Variants in SLIT2 observed in about 807,000 individuals in gnomAD.
SLIT2 encodes the protein slit guidance ligand 2, also known as slit homolog 2 protein.
Under a neutral mutation model 185.7 loss-of-function variants are expected in SLIT2, and 41 were observed. The ratio of observed to expected loss-of-function variants is 0.22; its 90% confidence interval spans 0.17 to 0.29. SLIT2 has a LOEUF of 0.29. Among genes scored for constraint, SLIT2 ranks in the 10% least tolerant of loss-of-function variants. The pLI, the probability that SLIT2 is intolerant of heterozygous loss-of-function variation, is 1.00. For synonymous variants in SLIT2, 693 were observed against 680.2 expected (o/e 1.02, Z -0.29); for missense variants, 1,571 against 1,909.0 (o/e 0.82, Z 3.30).
chr4:20,331,861 T>C (rs1720093424), intron 4 of SLIT2, among the ~76,000 whole-genome samples: 2 of 152,196 alleles, frequency 1.3e-5, no homozygotes, highest in Non-Finnish European at 2.9e-5. Flanking sequence ...CTTTATGTCA[T>C]TGAAATTGCA....
At chr4:20,344,064 T>C (rs1721185444) in intron 4 of SLIT2, among the ~76,000 whole-genome samples, 1 of 152,138 alleles carries the variant, frequency 6.6e-6, no homozygotes, top group Admixed American at 6.5e-5. Flanking sequence ...TTGGCCAGGA[T>C]GGTCTCGATC....
chr4:20,255,609 C>A (rs1711728069), intron 1 of SLIT2, among the ~76,000 whole-genome samples: 1 of 149,888 alleles, frequency 6.7e-6, no homozygotes, highest in Non-Finnish European at 1.5e-5. Context: ...TCATGCTATT[C>A]AGAACAGTTT....
At chr4:20,589,591 C>T (rs1307327668) in intron 29 of SLIT2, 53 bp from the exon 30 acceptor site, 1 of 1,316,806 alleles carries the variant, frequency 7.6e-7, no homozygotes, top group Non-Finnish European at 1.1e-6. Flanking sequence ...AGTCTGCTGG[C>T]AGGAAGCCTG....
chr4:20,548,095 C>T (rs920616524), intron 22 of SLIT2, among the ~76,000 whole-genome samples: 2 of 151,938 alleles, frequency 1.3e-5, no homozygotes, highest in African/African-American at 2.4e-5. Context: ...TATTTCCCAC[C>T]GGCAAAATTT....
intron 4 of SLIT2, among the ~76,000 whole-genome samples, chr4:20,404,503 C>T (rs968414196): frequency 2.6e-5 from 4 of 151,932 alleles, no homozygotes; most frequent in African/African-American, 9.7e-5. Flanking sequence ...AAGGGAAGCT[C>T]TTGGAAAAGT....
At chr4:20,417,984 C>T (rs1037897225) in intron 4 of SLIT2, among the ~76,000 whole-genome samples, 1 of 152,160 alleles carries the variant, frequency 6.6e-6, no homozygotes, top group African/African-American at 2.4e-5. Flanking sequence ...AAATTTTCAG[C>T]ACTTTCCACT....
chr4:20,253,789 C>G lies in SLIT2; in HGVS notation c.-27C>G. On this transcript the variant is annotated 5_prime_UTR_variant, in exon 1 of 37. Transcript: ENST00000504154. The stretch of plus-strand genomic sequence containing the variant: ...GCAAGCTAAAGAAAGCCCCCAGTGC[C>G]GGCGAGGAAGGAGGCGGCGGGGAAA... 1 of 1,595,266 alleles carries G rather than the reference C, an allele frequency of 6.3e-7. No individual in the cohort carries two copies. The highest frequency in any genetic ancestry group is 1.1e-5 in the South Asian group (1 of 90,692).
chr4:20,619,080 T>A lies in SLIT2; in HGVS notation c.*71T>A, dbSNP rs555364539. 38 of 1,414,516 alleles carry A rather than the reference T, an allele frequency of 2.7e-5. No homozygotes were observed. The highest frequency in any genetic ancestry group is 3.6e-5 in the Non-Finnish European group (37 of 1,028,248). 87.6% of individuals were successfully genotyped at this position (1,414,516 alleles called of 1,614,324 possible). A position where few individuals can be genotyped will look rare whatever the true frequency, so the allele number is the denominator to read the frequency against. On this transcript the variant is annotated 3_prime_UTR_variant, in exon 37 of 37. Coordinates refer to ENST00000504154, the MANE Select transcript of SLIT2 (RefSeq NM_004787.4). The stretch of plus-strand genomic sequence containing the variant: ...TGACCGTGTGGGACTAATGAATGCT[T>A]CATAGTGGAAATATTTGAAATATAT...
At chr4:20,585,011 C>T (rs949879477) in intron 29 of SLIT2, among the ~76,000 whole-genome samples, 5 of 151,920 alleles carry the variant, frequency 3.3e-5, no homozygotes, top group South Asian at 2.1e-4. Context: ...GCCAAGATCA[C>T]GACACTGCAC....
chr4:20,293,627 T>C (rs953066120), intron 4 of SLIT2, among the ~76,000 whole-genome samples: 2 of 152,210 alleles, frequency 1.3e-5, no homozygotes, highest in Non-Finnish European at 2.9e-5. Flanking sequence ...TTAGCTTTCT[T>C]CCTGAAACCA....
chr4:20,428,183 A>G (rs1728699703), intron 4 of SLIT2, among the ~76,000 whole-genome samples: 1 of 152,246 alleles, frequency 6.6e-6, no homozygotes, highest in African/African-American at 2.4e-5. Context: ...TTTAAAGTCC[A>G]TATTGTAAAT....
intron 4 of SLIT2, among the ~76,000 whole-genome samples, chr4:20,376,090 CAAT>C (rs1012364336): frequency 7.4e-6 from 1 of 134,606 alleles, no homozygotes; most frequent in Non-Finnish European, 1.6e-5. Context: ...AAACAAAAAA[CAAT>C]GAGAAGAATA....
intron 4 of SLIT2, among the ~76,000 whole-genome samples, chr4:20,300,307 A>G (rs947911763): frequency 3.9e-4 from 59 of 152,246 alleles, no homozygotes; most frequent in African/African-American, 1.3e-3. Flanking sequence ...TTCTCAGTAA[A>G]GAAAGTGGAA....
chr4:20,505,259 T>C (rs1719101069), intron 9 of SLIT2, among the ~76,000 whole-genome samples: 1 of 152,112 alleles, frequency 6.6e-6, no homozygotes, highest in African/African-American at 2.4e-5. Context: ...AAATAGCTTT[T>C]GTAAGGTCCA....
At chr4:20,310,606 G>A (rs921263387) in intron 4 of SLIT2, among the ~76,000 whole-genome samples, 3 of 152,146 alleles carry the variant, frequency 2.0e-5, no homozygotes, top group African/African-American at 4.8e-5. Context: ...GTACTAAATG[G>A]ACTTGCTGGC....
intron 4 of SLIT2, among the ~76,000 whole-genome samples, chr4:20,359,915 C>G (rs1722606608): frequency 6.6e-6 from 1 of 152,026 alleles, no homozygotes; most frequent in Non-Finnish European, 1.5e-5. Context: ...TGAAATGGCT[C>G]TTCCCAAGAG....
intron 4 of SLIT2, among the ~76,000 whole-genome samples, chr4:20,286,841 A>G (rs571026720): frequency 7.2e-5 from 11 of 152,252 alleles, no homozygotes; most frequent in Non-Finnish European, 1.2e-4. Context: ...CCCTTGCCCA[A>G]AGATCATTTT....
intron 5 of SLIT2, among the ~76,000 whole-genome samples, chr4:20,475,168 G>A (rs1715956465): frequency 6.6e-6 from 1 of 152,022 alleles, no homozygotes; most frequent in African/African-American, 2.4e-5. Context: ...AAGCCAGAAT[G>A]GCCTCTCTGT....
intron 20 of SLIT2, among the ~76,000 whole-genome samples, chr4:20,542,079 A>C (rs2148878550): frequency 6.6e-6 from 1 of 152,262 alleles, no homozygotes; most frequent in East Asian, 1.9e-4. Flanking sequence ...TATTATTGCC[A>C]ATGAACAGAG....
Sources: gnomAD v4.1 joint callset for allele counts (sites outside exome capture counted in the v4.1 genomes callset) on GRCh38, gnomAD v4.1.1 for gene constraint, MANE v1.5 for transcripts, NCBI Gene and HGNC (gene_info 2026-07-23, HGNC 2026-07-21) for gene names.